The following CIMAP2 variants were observed in gnomAD, a reference collection of about 807,000 sequenced individuals.
The protein encoded by CIMAP2 is ciliary microtubule-associated protein 2.
chr1:54,820,012 C>T, the CIMAP2 span, among the ~76,000 whole-genome samples: 1 of 108,440 alleles, frequency 9.2e-6, no homozygotes, highest in African/African-American at 3.8e-5. Flanking sequence ...CCTCTCTTTT[C>T]CTTCTTTCCT....
At chr1:54,841,783 T>G in the CIMAP2 span, 1 of 1,596,182 alleles carries the variant, frequency 6.3e-7, no homozygotes, top group Non-Finnish European at 8.6e-7. Flanking sequence ...TTTTTTAATT[T>G]TTTCTGTCTT....
the CIMAP2 span, chr1:54,806,967 G>T: frequency 6.3e-7 from 1 of 1,589,808 alleles, no homozygotes; most frequent in Non-Finnish European, 8.6e-7. Context: ...CAGGCACAGG[G>T]CTCTCACTGG....
At chr1:54,832,426 A>C in the CIMAP2 span, among the ~76,000 whole-genome samples, 2 of 152,252 alleles carry the variant, frequency 1.3e-5, no homozygotes, top group Non-Finnish European at 2.9e-5. Context: ...ACAACAAAAC[A>C]AGAAGTTAAC....
chr1:54,841,199 G>A, the CIMAP2 span, among the ~76,000 whole-genome samples: 5 of 152,158 alleles, frequency 3.3e-5, no homozygotes, highest in Admixed American at 6.6e-5. Flanking sequence ...CAAGTCCTGC[G>A]TTCATGGAGT....
At chr1:54,835,433 C>A in the CIMAP2 span, among the ~76,000 whole-genome samples, 3 of 152,090 alleles carry the variant, frequency 2.0e-5, no homozygotes, top group Admixed American at 2.0e-4. Flanking sequence ...AAGTGATCTG[C>A]CCGCCTCGGC....
At chr1:54,832,691 C>T in the CIMAP2 span, among the ~76,000 whole-genome samples, 2 of 151,316 alleles carry the variant, frequency 1.3e-5, no homozygotes, top group African/African-American at 4.9e-5. Flanking sequence ...TAAGTTTAAA[C>T]AAAAAAAATC....
the CIMAP2 span, chr1:54,816,886 C>T: frequency 6.9e-7 from 1 of 1,443,592 alleles, no homozygotes; most frequent in African/African-American, 1.4e-5. Context: ...CAATTCAACT[C>T]ATAACAGATG....
chr1:54,811,765 G>GCCGGGGGGGGGGGGGGGGGGCCCCCCCC, the CIMAP2 span: 3 of 1,301,328 alleles, frequency 2.3e-6, no homozygotes, highest in Non-Finnish European at 3.3e-6. Flanking sequence ...GGTTCTGACA[G>GCCGGGGGGGGGGGGGGGGGGCCCCCCCC]CCTCCATGCC....
chr1:54,820,112 C>CTCTTTCTTTCTTTCTT, the CIMAP2 span, among the ~76,000 whole-genome samples: 60 of 8,348 alleles, frequency 7.2e-3, 2 homozygotes, highest in East Asian at 0.067. Context: ...TTCTCTCTCT[C>CTCTTTCTTTCTTTCTT]TCTTTCTTTC....
chr1:54,828,635 C>T, the CIMAP2 span, among the ~76,000 whole-genome samples: 1 of 152,078 alleles, frequency 6.6e-6, no homozygotes, highest in South Asian at 2.1e-4. Context: ...CAGCCAAGAT[C>T]CCATTCTTTT....
At chr1:54,839,615 T>C in the CIMAP2 span, among the ~76,000 whole-genome samples, 35 of 152,204 alleles carry the variant, frequency 2.3e-4, no homozygotes, top group South Asian at 7.2e-3. Context: ...TGACCTCAGG[T>C]GATCCACCTG....
chr1:54,826,059 C>T, the CIMAP2 span, among the ~76,000 whole-genome samples: 50 of 152,264 alleles, frequency 3.3e-4, 1 homozygote, highest in East Asian at 2.1e-3. Context: ...GGCTCCCTGA[C>T]GGTGTACATG....
chr1:54,841,409 G>A, the CIMAP2 span, among the ~76,000 whole-genome samples: 602 of 152,264 alleles, frequency 4.0e-3, 8 homozygotes, highest in African/African-American at 0.014. Context: ...AAGTGGGACT[G>A]AGGTCAGGGC....
At chr1:54,808,938 C>G in the CIMAP2 span, among the ~76,000 whole-genome samples, 1 of 9,148 alleles carries the variant, frequency 1.1e-4, no homozygotes, top group Non-Finnish European at 3.3e-4. Flanking sequence ...CCCTGCTGTT[C>G]CCTCTGCTAG....
chr1:54,832,346 C>T, the CIMAP2 span, among the ~76,000 whole-genome samples: 1 of 136,128 alleles, frequency 7.3e-6, no homozygotes, highest in African/African-American at 3.0e-5. Context: ...AAGAAAATCT[C>T]ATTTAAAATG....
At chr1:54,826,928 G>GC in the CIMAP2 span, among the ~76,000 whole-genome samples, 202 of 152,356 alleles carry the variant, frequency 1.3e-3, 2 homozygotes, top group African/African-American at 4.5e-3. Context: ...CCTCTAGTCA[G>GC]CCATCTTGAA....
the CIMAP2 span, chr1:54,814,973 GC>G: frequency 6.2e-7 from 1 of 1,614,176 alleles, no homozygotes; most frequent in Non-Finnish European, 8.5e-7. Flanking sequence ...CCGTCAACCA[GC>G]CCCCATTCCT....
At chr1:54,819,824 C>CTTTCTTTTTCTTTTCTTTCTT in the CIMAP2 span, among the ~76,000 whole-genome samples, 3 of 100,210 alleles carry the variant, frequency 3.0e-5, no homozygotes, top group African/African-American at 1.1e-4. Context: ...TTCTTTCTTT[C>CTTTCTTTTTCTTTTCTTTCTT]TCTTTCTTTC....
chr1:54,831,422 G>A, the CIMAP2 span, among the ~76,000 whole-genome samples: 1 of 151,940 alleles, frequency 6.6e-6, no homozygotes, highest in African/African-American at 2.4e-5. Context: ...GGAGGCTGAG[G>A]CAGGTGGATC....
Sources: gnomAD v4.1 joint callset for allele counts (sites outside exome capture counted in the v4.1 genomes callset) on GRCh38, gnomAD v4.1.1 for gene constraint, MANE v1.5 for transcripts, NCBI Gene and HGNC (gene_info 2026-07-23, HGNC 2026-07-21) for gene names.